STK17A: variants seen among roughly 807,000 people sequenced by gnomAD.
The protein encoded by STK17A is serine/threonine kinase 17a, also known as serine/threonine-protein kinase 17A.
In STK17A, 26 loss-of-function variants were observed where a neutral mutation model predicts 43.7. The observed-to-expected ratio is 0.60, with a 90% CI of 0.44 to 0.83. The LOEUF is 0.83. Among genes scored for constraint, STK17A ranks in the 40% least tolerant of loss-of-function variants. STK17A has a pLI of 0.00. For synonymous variants in STK17A, 191 were observed against 182.5 expected (o/e 1.05, Z -0.38); for missense variants, 476 against 511.6 (o/e 0.93, Z 0.67).
At chr7:43,602,615 T>C (rs4724231) in intron 2 of STK17A, among the ~76,000 whole-genome samples, 18,006 of 152,220 alleles carry the variant, frequency 0.12, 1,143 homozygotes, top group Admixed American at 0.19. Flanking sequence ...AGCCCTATTT[T>C]TTTAAAATCT....
At chr7:43,623,211 G>C (rs898403249) in intron 4 of STK17A, 2 of 196,654 alleles carry the variant, frequency 1.0e-5, no homozygotes, top group Non-Finnish European at 2.0e-5. Flanking sequence ...TGAGGGTGGG[G>C]CAATGGAGAA....
At chr7:43,600,723 A>T (rs1181486021) in intron 2 of STK17A, among the ~76,000 whole-genome samples, 1 of 152,098 alleles carries the variant, frequency 6.6e-6, no homozygotes, top group African/African-American at 2.4e-5. Flanking sequence ...ATACATTTTA[A>T]CCCAGCACTT....
At chr7:43,619,009 G>A (rs1024027929) in intron 3 of STK17A, among the ~76,000 whole-genome samples, 18 of 152,166 alleles carry the variant, frequency 1.2e-4, no homozygotes, top group African/African-American at 3.1e-4. Flanking sequence ...AATTGTGAGG[G>A]ATCTGTAGAA....
At chr7:43,608,223 G>C (rs375689684) in intron 2 of STK17A, 33 bp from the exon 3 acceptor site, 160 of 1,592,746 alleles carry the variant, frequency 1.0e-4, no homozygotes, top group Admixed American at 1.5e-4. Context: ...TTTCTTATGA[G>C]TTATATATTA....
chr7:43,605,120 C>CTGTT (rs1583555141), intron 2 of STK17A, among the ~76,000 whole-genome samples: 1 of 152,076 alleles, frequency 6.6e-6, no homozygotes, highest in Non-Finnish European at 1.5e-5. Flanking sequence ...TTTTAAGGTC[C>CTGTT]TTATCTGCCA....
chr7:43,586,706 G>C (rs375696481), intron 1 of STK17A, among the ~76,000 whole-genome samples: 15 of 151,270 alleles, frequency 9.9e-5, no homozygotes, highest in African/African-American at 3.4e-4. Flanking sequence ...CCTTACATTT[G>C]TTTTCATTAT....
intron 4 of STK17A, among the ~76,000 whole-genome samples, chr7:43,622,025 T>A (rs2083949454): frequency 6.6e-6 from 1 of 152,208 alleles, no homozygotes; most frequent in South Asian, 2.1e-4. Flanking sequence ...GGGCTAGTAA[T>A]AGTACCGACC....
intron 2 of STK17A, among the ~76,000 whole-genome samples, chr7:43,603,197 G>A (rs1435873777): frequency 1.3e-5 from 2 of 152,090 alleles, no homozygotes; most frequent in African/African-American, 4.8e-5. Context: ...GAAACGTTTG[G>A]TGGCTTCTGT....
rs142415211 is a variant in STK17A, at chr7:43,624,884, A to G, written c.*42A>G. ...GAACTTCAAGATTTCTACATTGAAA[A>G]TGTTAATATTATTTATGGACCTCTG... On this transcript the variant is annotated 3_prime_UTR_variant, in exon 7 of 7. Transcript: ENST00000319357. 17,223 of 1,503,486 alleles carry G rather than the reference A, an allele frequency of 0.011. 156 individuals are homozygous for G. The highest frequency in any genetic ancestry group is 0.02 in the Middle Eastern group (99 of 4,900). 93.1% of individuals were successfully genotyped at this position (1,503,486 alleles called of 1,614,324 possible). A position where few individuals can be genotyped will look rare whatever the true frequency, so the allele number is the denominator to read the frequency against.
rs367714846 is a variant in STK17A at position 43,622,162 on chromosome 7, T to C, written c.692-1410T>C. ...TCCTGTACCCTTCCTCCCACAGTCT[T>C]GCTATGTGGTCTGTTTTACTGTTTC... On this transcript the variant is annotated intron_variant, in intron 4 of 6. Transcript: ENST00000319357. The C allele has an allele frequency of 2.6e-5, 4 of 152,328 alleles. No individual in the cohort carries two copies. The South Asian group carries it at 6.2e-4, about 24-fold the overall frequency. The allele number at this position is 152,328 out of a possible 1,614,324, so 9.4% of individuals were successfully genotyped here.
At chr7:43,608,998 C>CA (rs1006775548) in intron 3 of STK17A, 1 of 152,254 alleles carries the variant, frequency 6.6e-6, no homozygotes, top group African/African-American at 2.4e-5. Flanking sequence ...GAAAGAAAAA[C>CA]AAAGGACAGT....
rs1037490573 is a variant in STK17A, at chr7:43,624,976, A to G, written c.*134A>G. ...TTACACAAACAAAAATAACTTTGTC[A>G]AATTTGTGGAGTTAGGTGGAAGCCA... is the stretch of plus-strand genomic sequence containing the variant. On this transcript the variant is annotated 3_prime_UTR_variant, in exon 7 of 7. Coordinates refer to ENST00000319357, the MANE Select transcript of STK17A (RefSeq NM_004760.3). 5.9e-6 allele frequency: 5 copies of G among 853,016 alleles called. No homozygotes were observed. Among genetic ancestry groups the G allele is most frequent in the African/African-American group, 1.7e-5 (1 of 57,238 alleles). The allele number at this position is 853,016 out of a possible 1,614,324, so 52.8% of individuals were successfully genotyped here.
At chr7:43,618,452 C>G (rs574975468) in intron 3 of STK17A, among the ~76,000 whole-genome samples, 2 of 152,046 alleles carry the variant, frequency 1.3e-5, no homozygotes, top group Non-Finnish European at 2.9e-5. Context: ...CCTTTGGAGC[C>G]GTGACAGATT....
At chr7:43,603,114 C>G (rs2082566190) in intron 2 of STK17A, among the ~76,000 whole-genome samples, 1 of 152,148 alleles carries the variant, frequency 6.6e-6, no homozygotes, top group Non-Finnish European at 1.5e-5. Flanking sequence ...TGGTTTCAAT[C>G]CTGGGAAATC....
chr7:43,591,232 C>T (rs138254070), intron 1 of STK17A, among the ~76,000 whole-genome samples: 81 of 151,558 alleles, frequency 5.3e-4, no homozygotes, highest in African/African-American at 1.9e-3. Flanking sequence ...TTTTTGAAAG[C>T]CTTGCAAGCT....
At chr7:43,589,668 A>T (rs886200541) in intron 1 of STK17A, among the ~76,000 whole-genome samples, 4 of 142,436 alleles carry the variant, frequency 2.8e-5, no homozygotes, top group Non-Finnish European at 6.6e-5. Context: ...CATGACTTTC[A>T]CCTTTCCTTT....
intron 2 of STK17A, among the ~76,000 whole-genome samples, chr7:43,597,814 T>C (rs1286993737): frequency 1.3e-5 from 2 of 152,056 alleles, no homozygotes; most frequent in African/African-American, 4.8e-5. Flanking sequence ...ATGCCTGTAA[T>C]CCCAGCTACT....
At chr7:43,619,191 A>G (rs922731080) in intron 3 of STK17A, among the ~76,000 whole-genome samples, 2 of 152,212 alleles carry the variant, frequency 1.3e-5, no homozygotes, top group Admixed American at 1.3e-4. Flanking sequence ...ATGAAGGCAG[A>G]TTCAGTCAAG....
At chr7:43,606,113 T>A (rs1005720792) in intron 2 of STK17A, among the ~76,000 whole-genome samples, 9 of 152,152 alleles carry the variant, frequency 5.9e-5, no homozygotes, top group African/African-American at 2.2e-4. Context: ...TGCATATGTA[T>A]TTGTTATTTA....
Sources: gnomAD v4.1 joint callset for allele counts (sites outside exome capture counted in the v4.1 genomes callset) on GRCh38, gnomAD v4.1.1 for gene constraint, MANE v1.5 for transcripts, NCBI Gene and HGNC (gene_info 2026-07-23, HGNC 2026-07-21) for gene names.